HS6ST3: variants seen among roughly 807,000 people sequenced by gnomAD.
The protein encoded by HS6ST3 is heparan-sulfate 6-O-sulfotransferase 3.
HS6ST3 carries 12 observed loss-of-function variants against 36.7 expected under a neutral mutation model. That is an observed-to-expected ratio of 0.33 (90% CI 0.21 to 0.53). The LOEUF (loss-of-function observed/expected upper bound fraction) is 0.53, where lower values mean the gene tolerates loss of function less well. HS6ST3 is among the 20% of genes least tolerant of loss of function. HS6ST3 has a pLI of 0.95. For synonymous variants in HS6ST3, 240 were observed against 257.5 expected, an observed-to-expected ratio of 0.93 and a Z score of 0.65; for missense variants, 584 against 640.9, an observed-to-expected ratio of 0.91 and a Z score of 0.96.
Position 96,614,313 on chromosome 13 carries a change from A to T in HS6ST3, c.708-218177A>T, listed in dbSNP as rs1252442745. 2.6e-3 allele frequency among the ~76,000 whole-genome samples: 381 copies of T among 148,492 alleles called. 6 individuals are homozygous for T. Among genetic ancestry groups the T allele is most frequent in the East Asian group, 9.2e-3 (47 of 5,112 alleles). ...GATCCATCTCAAAAAAAAAAAAAAA[A>T]AAAAAAAAAAAAAAACAGTTATTAC... is the stretch of plus-strand genomic sequence containing the variant. On this transcript the variant is annotated intron_variant, in intron 1 of 1. Coordinates refer to ENST00000376705, the MANE Select transcript of HS6ST3 (RefSeq NM_153456.4).
intron 1 of HS6ST3, among the ~76,000 whole-genome samples, chr13:96,674,587 T>C (rs1014009943): frequency 6.6e-6 from 1 of 152,120 alleles, no homozygotes; most frequent in Non-Finnish European, 1.5e-5. Context: ...ACATCGTCCC[T>C]CTATTAGACG....
At chr13:96,563,056 A>AG (rs1009812572) in intron 1 of HS6ST3, among the ~76,000 whole-genome samples, 2 of 152,094 alleles carry the variant, frequency 1.3e-5, no homozygotes, top group African/African-American at 4.8e-5. Context: ...AAAAAAAAAA[A>AG]AAAGTCCAAG....
intron 1 of HS6ST3, among the ~76,000 whole-genome samples, chr13:96,326,004 TA>T (rs1332467689): frequency 1.3e-5 from 2 of 152,156 alleles, no homozygotes; most frequent in Non-Finnish European, 2.9e-5. Context: ...ATCAGTGGCT[TA>T]AAATTCCCTA....
chr13:96,343,490 A>T (rs2055139901), intron 1 of HS6ST3, among the ~76,000 whole-genome samples: 1 of 152,150 alleles, frequency 6.6e-6, no homozygotes, highest in African/African-American at 2.4e-5. Context: ...TTGTGATTAC[A>T]TTGGGTCCAC....
In HS6ST3 at chr13:96,090,758, G is replaced by A; in HGVS notation, c.-105G>A. On this transcript the variant is annotated 5_prime_UTR_variant, in exon 1 of 2. Transcript: ENST00000376705. The stretch of plus-strand genomic sequence containing the variant: ...GGCGTCAGGGGCATGGAGGAACGGC[G>A]GGCTCCGAGCCGCGCCCCGGAGTCC... The A allele has an allele frequency of 1.1e-6, 1 of 911,276 alleles. No homozygotes were observed. The highest frequency in any genetic ancestry group is 3.0e-5 in the South Asian group (1 of 32,894). 56.4% of individuals were successfully genotyped at this position (911,276 alleles called of 1,614,324 possible).
chr13:96,650,886 C>G (rs552749680), intron 1 of HS6ST3, among the ~76,000 whole-genome samples: 241 of 152,162 alleles, frequency 1.6e-3, no homozygotes, highest in African/African-American at 5.5e-3. Context: ...AATTTCTACT[C>G]CTGTCTAAGT....
chr13:96,705,261 C>G (rs1875389085), intron 1 of HS6ST3, among the ~76,000 whole-genome samples: 1 of 152,170 alleles, frequency 6.6e-6, no homozygotes. Flanking sequence ...CCTAAAAATT[C>G]TCTTTGTTCT....
intron 1 of HS6ST3, among the ~76,000 whole-genome samples, chr13:96,418,790 C>T (rs546383844): frequency 1.1e-4 from 16 of 152,302 alleles, no homozygotes; most frequent in Middle Eastern, 3.4e-3. Context: ...AACAGGGCCA[C>T]GCTCTCTGTT....
intron 1 of HS6ST3, among the ~76,000 whole-genome samples, chr13:96,542,027 C>T (rs1391259661): frequency 6.6e-6 from 1 of 152,128 alleles, no homozygotes; most frequent in African/African-American, 2.4e-5. Flanking sequence ...AGCACTTTTA[C>T]CTCCTGTGTA....
At chr13:96,304,992 C>T (rs546017981) in intron 1 of HS6ST3, among the ~76,000 whole-genome samples, 4 of 152,102 alleles carry the variant, frequency 2.6e-5, no homozygotes, top group African/African-American at 9.6e-5. Context: ...CAGGCATGAG[C>T]CACTGGATGT....
At position 96,103,784 on chromosome 13, in the gene HS6ST3, A is replaced by T. The variant is rs1372736086; in HGVS notation, c.707+12215A>T. On this transcript the variant is annotated intron_variant, in intron 1 of 1. Coordinates refer to ENST00000376705, the MANE Select transcript of HS6ST3 (RefSeq NM_153456.4). The stretch of plus-strand genomic sequence containing the variant: ...GAATGACAAAGATGAAGTTGAAAAT[A>T]TTCAAAATACACATTTAGCTCAACG... 3.9e-5 allele frequency among the ~76,000 whole-genome samples: 6 copies of T among 152,234 alleles called. No individual in the cohort carries two copies. In the East Asian group the frequency reaches 9.6e-4, roughly 24 times the overall value.
chr13:96,159,037 A>G (rs2054123918), intron 1 of HS6ST3, among the ~76,000 whole-genome samples: 1 of 152,222 alleles, frequency 6.6e-6, no homozygotes, highest in Non-Finnish European at 1.5e-5. Flanking sequence ...TATTTGTGAT[A>G]GAGAAGACCC....
In HS6ST3 at chr13:96,091,094, CCCCCCGAGGGACCTCGGGGGG is replaced by C. The variant is rs1468396522; in HGVS notation, c.235_255del (p.Pro79_Ala85del). On this transcript the variant is annotated inframe_deletion, in exon 1 of 2. Coordinates refer to ENST00000376705, the MANE Select transcript of HS6ST3 (RefSeq NM_153456.4). Reference sequence around the variant, plus strand: ...CCAGTTGCCCCCGCCGCCCCGGGGGCCCCCCGAGGGACCTCGGGGGGCCGCGGCGCCGGAGGAGGAGGACGA... The same window carrying C: ...CCAGTTGCCCCCGCCGCCCCGGGGGCCCGCGGCGCCGGAGGAGGAGGACGA... 1 of 1,318,670 alleles carries C rather than the reference CCCCCCGAGGGACCTCGGGGGG, an allele frequency of 7.6e-7. No individual in the cohort carries two copies. The highest frequency in any genetic ancestry group is 3.1e-5 in the East Asian group (1 of 32,352). 81.7% of individuals were successfully genotyped at this position (1,318,670 alleles called of 1,614,324 possible).
intron 1 of HS6ST3, among the ~76,000 whole-genome samples, chr13:96,191,244 C>T (rs1416630475): frequency 2.6e-5 from 4 of 152,164 alleles, no homozygotes; most frequent in African/African-American, 9.7e-5. Flanking sequence ...CTGGTCTCTA[C>T]CTCACTGCCA....
At chr13:96,389,565 T>C (rs1048004116) in intron 1 of HS6ST3, among the ~76,000 whole-genome samples, 3 of 152,148 alleles carry the variant, frequency 2.0e-5, no homozygotes. Flanking sequence ...AAAATGCTAT[T>C]CAAGCATTTA....
chr13:96,276,888 G>A (rs774937972), intron 1 of HS6ST3, among the ~76,000 whole-genome samples: 2 of 152,126 alleles, frequency 1.3e-5, no homozygotes, highest in South Asian at 2.1e-4. Flanking sequence ...CTTTGGCCAC[G>A]CTACCAAGAT....
chr13:96,747,946 A>T (rs1876602973), intron 1 of HS6ST3, among the ~76,000 whole-genome samples: 1 of 152,118 alleles, frequency 6.6e-6, no homozygotes, highest in African/African-American at 2.4e-5. Context: ...AGTGTCAGGA[A>T]TTCTAATTAA....
At chr13:96,570,131 G>T (rs1016889974) in intron 1 of HS6ST3, among the ~76,000 whole-genome samples, 1 of 152,170 alleles carries the variant, frequency 6.6e-6, no homozygotes, top group Non-Finnish European at 1.5e-5. Flanking sequence ...GCACATTAGG[G>T]AGTTGAGGAT....
chr13:96,818,722 G>C (rs917363023), intron 1 of HS6ST3, among the ~76,000 whole-genome samples: 1 of 152,234 alleles, frequency 6.6e-6, no homozygotes, highest in Admixed American at 6.5e-5. Context: ...GCTAGCCAAG[G>C]TGAAGTGTTG....
Sources: allele counts gnomAD v4.1 joint callset (sites outside exome capture counted in the v4.1 genomes callset), GRCh38; gene constraint gnomAD v4.1.1; transcripts MANE v1.5; gene names NCBI Gene and HGNC (gene_info 2026-07-23, HGNC 2026-07-21).